Variants in SPATA13 observed in about 807,000 individuals in gnomAD.
SPATA13 encodes spermatogenesis-associated protein 13.
In SPATA13, 50 loss-of-function variants were observed where a neutral mutation model predicts 104.0. The observed-to-expected ratio is 0.48, with a 90% CI of 0.38 to 0.61. The LOEUF (loss-of-function observed/expected upper bound fraction) is 0.61. Among genes scored for constraint, SPATA13 ranks in the 20% least tolerant of loss-of-function variants. The pLI, the probability that SPATA13 is intolerant of heterozygous loss-of-function variation, is 0.00. For synonymous variants in SPATA13, 606 were observed against 667.5 expected, an observed-to-expected ratio of 0.91 and a Z score of 1.42; for missense variants, 1,524 against 1,690.6, an observed-to-expected ratio of 0.90 and a Z score of 1.73.
At chr13:24,151,374 T>G (rs1483467282) in intron 3 of SPATA13, among the ~76,000 whole-genome samples, 1 of 152,196 alleles carries the variant, frequency 6.6e-6, no homozygotes, top group Non-Finnish European at 1.5e-5. Flanking sequence ...ATGAAAATAA[T>G]GATAAACTCT....
At chr13:24,009,288 G>A (rs867622510) in intron 2 of SPATA13, among the ~76,000 whole-genome samples, 6 of 152,196 alleles carry the variant, frequency 3.9e-5, no homozygotes, top group East Asian at 1.9e-4. Context: ...TCTGAGATAC[G>A]TCTCCATTAA....
At chr13:24,091,260 C>T (rs539897847) in intron 3 of SPATA13, among the ~76,000 whole-genome samples, 85 of 152,310 alleles carry the variant, frequency 5.6e-4, no homozygotes, top group African/African-American at 1.4e-3. Context: ...TACACACAGC[C>T]GTGCACATGG....
chr13:23,984,549 T>C (rs1875057600), intron 2 of SPATA13, among the ~76,000 whole-genome samples: 1 of 152,184 alleles, frequency 6.6e-6, no homozygotes, highest in Admixed American at 6.5e-5. Context: ...GTGGTCTGTG[T>C]CATCCTCGCA....
intron 1 of SPATA13, among the ~76,000 whole-genome samples, chr13:24,200,435 A>T (rs1419399369): frequency 6.6e-6 from 1 of 152,092 alleles, no homozygotes; most frequent in Non-Finnish European, 1.5e-5. Context: ...ACAAGTAAAC[A>T]CCATGTATGC....
intron 3 of SPATA13, among the ~76,000 whole-genome samples, chr13:24,079,672 C>T (rs963741821): frequency 6.7e-6 from 1 of 150,036 alleles, no homozygotes; most frequent in Non-Finnish European, 1.5e-5. Flanking sequence ...ACTTTATTTT[C>T]TTTCTTTCTT....
chr13:24,204,137 A>G lies in SPATA13; in HGVS notation c.-111-18682A>G, dbSNP rs1397444289. ...CACTGAAGCTCATAGGCAGGTTCTT[A>G]TTGCATGTACTCACAGCCAGAGGCT... On this transcript the variant is annotated intron_variant, in intron 1 of 12. Transcript: ENST00000382108. Among the ~76,000 whole-genome samples, 3 of 152,150 alleles carry G rather than the reference A, an allele frequency of 2.0e-5. No individual in the cohort carries two copies. The East Asian group carries it at 5.8e-4, about 29-fold the overall frequency.
At chr13:24,069,030 T>C (rs1879067509) in intron 3 of SPATA13, among the ~76,000 whole-genome samples, 2 of 152,190 alleles carry the variant, frequency 1.3e-5, no homozygotes, top group African/African-American at 4.8e-5. Context: ...CTGTAGTATA[T>C]TCTTGCGTAG....
intron 9 of SPATA13, 100 bp downstream of exon 9, chr13:24,290,984 C>T: frequency 1.1e-6 from 1 of 931,874 alleles, no homozygotes; most frequent in Non-Finnish European, 1.6e-6. Context: ...CAGTGTCAGC[C>T]TTAACACTTT....
chr13:24,035,859 C>T (rs763909477), intron 3 of SPATA13, among the ~76,000 whole-genome samples: 11 of 151,802 alleles, frequency 7.2e-5, no homozygotes, highest in Non-Finnish European at 1.0e-4. Flanking sequence ...ACTATAAATA[C>T]GAAAATTAGC....
intron 2 of SPATA13, among the ~76,000 whole-genome samples, chr13:24,236,972 A>G (rs1872605915): frequency 6.6e-6 from 1 of 152,236 alleles, no homozygotes; most frequent in Admixed American, 6.5e-5. Flanking sequence ...CATAAGAGGC[A>G]AAAGAAGGAA....
At chr13:23,996,080 G>T (rs572088377) in intron 2 of SPATA13, among the ~76,000 whole-genome samples, 1 of 152,104 alleles carries the variant, frequency 6.6e-6, no homozygotes, top group Admixed American at 6.5e-5. Flanking sequence ...GGAAATGAAG[G>T]GTTTTTGGTA....
intron 1 of SPATA13, among the ~76,000 whole-genome samples, chr13:24,179,600 A>G (rs1192159153): frequency 1.3e-5 from 2 of 152,180 alleles, no homozygotes; most frequent in African/African-American, 4.8e-5. Flanking sequence ...ATTAAATGCA[A>G]GTCCCTATTT....
intron 4 of SPATA13, among the ~76,000 whole-genome samples, chr13:24,277,738 G>C (rs1875120911): frequency 6.6e-6 from 1 of 152,162 alleles, no homozygotes; most frequent in African/African-American, 2.4e-5. Flanking sequence ...TATGCTAGGG[G>C]CTGGGAAGAC....
intron 2 of SPATA13, among the ~76,000 whole-genome samples, chr13:24,234,280 C>A (rs1872450702): frequency 1.3e-5 from 2 of 152,154 alleles, no homozygotes; most frequent in Admixed American, 6.6e-5. Context: ...TCTTAATTAG[C>A]ACCTCATTTT....
intron 4 of SPATA13, chr13:24,278,685 T>G: frequency 6.5e-7 from 1 of 1,531,608 alleles, no homozygotes. Flanking sequence ...TCAGAATGTA[T>G]AAACAACCCT....
intron 3 of SPATA13, among the ~76,000 whole-genome samples, chr13:24,042,569 A>G (rs111589073): frequency 6.6e-6 from 1 of 152,202 alleles, no homozygotes; most frequent in African/African-American, 2.4e-5. Context: ...GCGCACATCT[A>G]TGCCCGTGCG....
intron 3 of SPATA13, among the ~76,000 whole-genome samples, chr13:24,078,373 G>A (rs1879400855): frequency 6.6e-6 from 1 of 152,190 alleles, no homozygotes; most frequent in Non-Finnish European, 1.5e-5. Context: ...CATGGTAAGG[G>A]CTTTACAGAT....
At chr13:24,086,592 C>G (rs1419421632) in intron 3 of SPATA13, among the ~76,000 whole-genome samples, 1 of 152,172 alleles carries the variant, frequency 6.6e-6, no homozygotes, top group Non-Finnish European at 1.5e-5. Context: ...ATAGAGGAGG[C>G]AGAGGCAGCA....
At chr13:24,022,223 A>G (rs1303929544) in intron 3 of SPATA13, among the ~76,000 whole-genome samples, 1 of 150,310 alleles carries the variant, frequency 6.7e-6, no homozygotes, top group Non-Finnish European at 1.5e-5. Flanking sequence ...TTGTGTAGAG[A>G]TGGGGTTTCA....
Sources: gnomAD v4.1 joint callset for allele counts (sites outside exome capture counted in the v4.1 genomes callset) on GRCh38, gnomAD v4.1.1 for gene constraint, MANE v1.5 for transcripts, NCBI Gene and HGNC (gene_info 2026-07-23, HGNC 2026-07-21) for gene names.